The following EXT1 variants were observed in gnomAD, a reference collection of about 807,000 sequenced individuals.
EXT1 encodes exostosin-1.
In EXT1, 20 loss-of-function variants were observed where a neutral mutation model predicts 82.5. The observed-to-expected ratio is 0.24, with a 90% confidence interval of 0.17 to 0.35. The LOEUF is 0.35. EXT1 is among the 10% of genes least tolerant of loss of function. The probability of loss-of-function intolerance (pLI) is 1.00; values close to 1 mark genes in which losing one functional copy is unlikely to be tolerated. For synonymous variants in EXT1, 348 were observed against 350.8 expected (o/e 0.99, Z 0.09); for missense variants, 757 against 936.5 (o/e 0.81, Z 2.50).
intron 1 of EXT1, among the ~76,000 whole-genome samples, chr8:117,870,850 A>ACACACACACACACACACACACAC (rs1563586222): frequency 8.9e-5 from 8 of 89,664 alleles, no homozygotes; most frequent in African/African-American, 7.8e-4. Context: ...CACACACACA[A>ACACACACACACACACACACACAC]AAGATTGAAG....
intron 1 of EXT1, among the ~76,000 whole-genome samples, chr8:118,081,650 G>C (rs1283247927): frequency 6.6e-6 from 1 of 152,130 alleles, no homozygotes; most frequent in Non-Finnish European, 1.5e-5. Flanking sequence ...TTTCATCCCT[G>C]CATATACTGA....
At chr8:118,066,087 CAACT>C (rs1816981160) in intron 1 of EXT1, among the ~76,000 whole-genome samples, 1 of 152,130 alleles carries the variant, frequency 6.6e-6, no homozygotes, top group Non-Finnish European at 1.5e-5. Context: ...ATGAGTTAAT[CAACT>C]ATAGTTGGCC....
At chr8:117,983,168 A>G (rs1032143022) in intron 1 of EXT1, among the ~76,000 whole-genome samples, 1 of 152,208 alleles carries the variant, frequency 6.6e-6, no homozygotes, top group Non-Finnish European at 1.5e-5. Flanking sequence ...GGAGTCATGA[A>G]TAACAGCATA....
chr8:118,052,850 C>T (rs1172191639), intron 1 of EXT1, among the ~76,000 whole-genome samples: 1 of 152,198 alleles, frequency 6.6e-6, no homozygotes. Flanking sequence ...TACAAATAAT[C>T]TGCCTTCCCC....
intron 1 of EXT1, among the ~76,000 whole-genome samples, chr8:117,924,873 T>C (rs1813924238): frequency 2.0e-5 from 3 of 152,344 alleles, no homozygotes; most frequent in South Asian, 4.1e-4. Flanking sequence ...TTGAAATGTA[T>C]ACATGAATGA....
At chr8:117,851,842 A>G (rs111405300) in intron 1 of EXT1, among the ~76,000 whole-genome samples, 32 of 152,252 alleles carry the variant, frequency 2.1e-4, no homozygotes, top group South Asian at 2.1e-3. Context: ...CCTGGGCCAA[A>G]GTCATGTGGG....
At chr8:117,874,897 A>AT (rs1299425859) in intron 1 of EXT1, among the ~76,000 whole-genome samples, 2 of 152,174 alleles carry the variant, frequency 1.3e-5, no homozygotes, top group East Asian at 3.9e-4. Flanking sequence ...CTAACTGTCC[A>AT]TTAGCGGCTT....
intron 1 of EXT1, among the ~76,000 whole-genome samples, chr8:118,039,109 A>G (rs115407617): frequency 1.1e-3 from 164 of 152,354 alleles, no homozygotes; most frequent in African/African-American, 3.7e-3. Context: ...GACACTCAGC[A>G]TAATAAACAT....
At chr8:117,806,128 A>G (rs905612763) in intron 9 of EXT1, among the ~76,000 whole-genome samples, 1 of 152,160 alleles carries the variant, frequency 6.6e-6, no homozygotes, top group Non-Finnish European at 1.5e-5. Context: ...CATGGCCACC[A>G]TTCACTTCCT....
chr8:117,992,338 T>C (rs1278672611), intron 1 of EXT1, among the ~76,000 whole-genome samples: 1 of 151,278 alleles, frequency 6.6e-6, no homozygotes, highest in Non-Finnish European at 1.5e-5. Flanking sequence ...AATATTAAGG[T>C]TTGCATTAAA....
In EXT1 at chr8:117,798,404, TG is replaced by T. The variant is rs1254272128; in HGVS notation, c.*1307del. On this transcript the variant is annotated 3_prime_UTR_variant, in exon 11 of 11. Coordinates refer to ENST00000378204, the MANE Select transcript of EXT1 (RefSeq NM_000127.3). ...ATTTTTCATAACAGAGTTAGGGATA[TG>T]TTTTTTTTTTCAGTTTATACTTGGA... The T allele has an allele frequency of 2.6e-5, 4 of 152,196 alleles. No homozygotes were observed. The highest frequency in any genetic ancestry group is 4.4e-5 in the Non-Finnish European group (3 of 68,030). The allele number at this position is 152,196 out of a possible 1,614,324, so 9.4% of individuals were successfully genotyped here.
intron 1 of EXT1, among the ~76,000 whole-genome samples, chr8:117,897,159 T>C (rs1406928463): frequency 6.6e-6 from 1 of 152,218 alleles, no homozygotes; most frequent in Non-Finnish European, 1.5e-5. Context: ...CAACCAGAAC[T>C]AGTTGTTCTG....
At chr8:118,019,521 G>C (rs17431387) in intron 1 of EXT1, among the ~76,000 whole-genome samples, 291 of 152,246 alleles carry the variant, frequency 1.9e-3, no homozygotes, top group Non-Finnish European at 3.3e-3. Context: ...GTAAATGGTG[G>C]GTCCAGATTC....
chr8:117,936,727 T>A (rs1321059261), intron 1 of EXT1, among the ~76,000 whole-genome samples: 1 of 152,016 alleles, frequency 6.6e-6, no homozygotes, highest in Non-Finnish European at 1.5e-5. Context: ...ATACAAAAAT[T>A]AGCCAGGCGT....
intron 1 of EXT1, among the ~76,000 whole-genome samples, chr8:117,852,834 G>C (rs900940468): frequency 6.6e-6 from 1 of 152,134 alleles, no homozygotes; most frequent in African/African-American, 2.4e-5. Flanking sequence ...AAAAAATCCT[G>C]TTCCTTTACC....
At chr8:118,040,856 A>T (rs760572741) in intron 1 of EXT1, among the ~76,000 whole-genome samples, 14 of 152,172 alleles carry the variant, frequency 9.2e-5, no homozygotes, top group Non-Finnish European at 2.9e-5. Context: ...CAGTTAAGCT[A>T]CTAAATTTCC....
At chr8:117,880,519 C>T (rs930768382) in intron 1 of EXT1, among the ~76,000 whole-genome samples, 3 of 151,768 alleles carry the variant, frequency 2.0e-5, no homozygotes, top group East Asian at 3.9e-4. Flanking sequence ...TCTAGAAAAA[C>T]GTATTCCATA....
At chr8:117,863,612 G>C (rs909703151) in intron 1 of EXT1, among the ~76,000 whole-genome samples, 1 of 152,036 alleles carries the variant, frequency 6.6e-6, no homozygotes, top group Non-Finnish European at 1.5e-5. Context: ...GCTTCCTCAT[G>C]AATCTGGGTT....
intron 1 of EXT1, among the ~76,000 whole-genome samples, chr8:118,106,799 G>T (rs190137282): frequency 6.6e-6 from 1 of 152,118 alleles, no homozygotes; most frequent in Non-Finnish European, 1.5e-5. Flanking sequence ...TCTCTAAAGC[G>T]TCACTACAAC....
Sources: gnomAD v4.1 joint callset for allele counts (sites outside exome capture counted in the v4.1 genomes callset) on GRCh38, gnomAD v4.1.1 for gene constraint, MANE v1.5 for transcripts, NCBI Gene and HGNC (gene_info 2026-07-23, HGNC 2026-07-21) for gene names.